VDR: variants seen among roughly 807,000 people sequenced by gnomAD.
VDR encodes the protein vitamin D receptor, also known as vitamin D3 receptor.
VDR carries 19 observed loss-of-function variants against 39.7 expected under a neutral mutation model. That is an observed-to-expected ratio of 0.48 (90% CI 0.33 to 0.70). The LOEUF is 0.70. VDR is among the 30% of genes least tolerant of loss of function. The pLI is 0.02. For synonymous variants in VDR, 242 were observed against 215.8 expected (o/e 1.12, Z -1.07); for missense variants, 442 against 570.5 (o/e 0.77, Z 2.29).
chr12:47,853,746 A>G (rs971678101), intron 7 of VDR, among the ~76,000 whole-genome samples: 3 of 151,678 alleles, frequency 2.0e-5, no homozygotes, highest in African/African-American at 7.3e-5. Flanking sequence ...CAAGAGGGAA[A>G]CTCTGTCTCA....
At chr12:47,888,997 A>G (rs1328366462) in intron 1 of VDR, among the ~76,000 whole-genome samples, 1 of 152,174 alleles carries the variant, frequency 6.6e-6, no homozygotes, top group Non-Finnish European at 1.5e-5. Flanking sequence ...TTGTGTACCC[A>G]TATTGAAATA....
intron 1 of VDR, among the ~76,000 whole-genome samples, chr12:47,895,806 C>G (rs1216207482): frequency 6.6e-6 from 1 of 152,184 alleles, no homozygotes; most frequent in Middle Eastern, 3.2e-3. Context: ...ATGAAAAAGT[C>G]AGATAATCTG....
chr12:47,876,700 A>G (rs1946013214), intron 3 of VDR, among the ~76,000 whole-genome samples: 1 of 152,236 alleles, frequency 6.6e-6, no homozygotes, highest in Non-Finnish European at 1.5e-5. Flanking sequence ...TCATTCTGCC[A>G]TCTTTCACAC....
At chr12:47,848,649 C>A (rs922298729) in intron 7 of VDR, among the ~76,000 whole-genome samples, 1 of 147,518 alleles carries the variant, frequency 6.8e-6, no homozygotes. Context: ...TCACTGCAAC[C>A]TCCACCTCCC....
chr12:47,845,884 G>A (rs1429674873), intron 9 of VDR, among the ~76,000 whole-genome samples: 1 of 152,230 alleles, frequency 6.6e-6, no homozygotes, highest in Non-Finnish European at 1.5e-5. Context: ...CTAACCAGCG[G>A]AAGAGGTCAA....
At chr12:47,889,847 C>A (rs371814292) in intron 1 of VDR, among the ~76,000 whole-genome samples, 1 of 152,160 alleles carries the variant, frequency 6.6e-6, no homozygotes, top group Non-Finnish European at 1.5e-5. Context: ...CTCAAGACAG[C>A]GGGAGAAAGC....
Position 47,855,727 on chromosome 12 carries a change from C to G in VDR, c.658G>C (p.Glu220Gln), listed in dbSNP as rs1289005695. The part of the protein sequence containing the change: ...EDSDDPSVTL[E>Q]LSQLSMLPHL... ...GGCAGCATGGAGAGCTGGGACAGCT[C>G]TAGGGTCACAGAAGGGTCATCTGAA... is the stretch of plus-strand genomic sequence containing the variant. Residue 220 changes from glutamate (E) to glutamine (Q), a missense_variant, in exon 7 of 10, where the codon GAG becomes CAG. By Grantham distance (29) the Glu-to-Gln change is conservative. This residue lies in a region of VDR where 5 missense variants were observed against 27.7 expected (regional missense o/e 0.18). Transcript: ENST00000549336. 1.9e-6 allele frequency: 3 copies of G among 1,614,056 alleles called. No individual in the cohort carries two copies. In the African/African-American group the frequency reaches 4.0e-5, roughly 22 times the overall value.
At chr12:47,863,404 C>T (rs369131226) in intron 4 of VDR, among the ~76,000 whole-genome samples, 5 of 152,326 alleles carry the variant, frequency 3.3e-5, no homozygotes, top group East Asian at 1.9e-4. Flanking sequence ...GTGGCAGTGC[C>T]TTACGAACCA....
chr12:47,879,625 C>T lies in VDR; in HGVS notation c.-2-510G>A, dbSNP rs1350418986. Among the ~76,000 whole-genome samples, 3 of 152,272 alleles carry T rather than the reference C, an allele frequency of 2.0e-5. No individual in the cohort carries two copies. The East Asian group carries it at 5.8e-4, about 29-fold the overall frequency. On this transcript the variant is annotated intron_variant, in intron 2 of 9. Transcript: ENST00000549336. ...GAGAGAAACCCTCAGGTCTCCTCCT[C>T]TTGAGGGTGGGGGGAATTGAGGATT...
At chr12:47,870,558 T>C (rs1328046645) in intron 3 of VDR, among the ~76,000 whole-genome samples, 1 of 152,160 alleles carries the variant, frequency 6.6e-6, no homozygotes, top group African/African-American at 2.4e-5. Context: ...TGACCGATTC[T>C]CATGCCAGAG....
intron 1 of VDR, among the ~76,000 whole-genome samples, chr12:47,892,224 G>A (rs997525641): frequency 4.6e-5 from 7 of 152,322 alleles, no homozygotes; most frequent in Non-Finnish European, 8.8e-5. Context: ...AGGCAGCTCC[G>A]GTCCCATGCA....
chr12:47,857,493 G>C lies in VDR; in HGVS notation c.462+11C>G, dbSNP rs1945514745. The C allele has an allele frequency of 1.9e-6, 3 of 1,614,176 alleles. No homozygotes were observed. The South Asian group carries it at 3.3e-5, about 18-fold the overall frequency. Reference sequence around the variant, plus strand: ...TCTGGACCGGCTCATCCTCCCAGCAGGCAGACATACCCGGAACTGGCAGAA... The same window carrying C: ...TCTGGACCGGCTCATCCTCCCAGCACGCAGACATACCCGGAACTGGCAGAA... On this transcript the variant is annotated intron_variant, in intron 5 of 9. Transcript: ENST00000549336.
rs739837 is a variant in VDR at position 47,844,438 on chromosome 12, G to T, written c.*308C>A. ...CTCAACATCAGTCAGCAGCCACTTA[G>T]GCAGCGGTGGAGGCATCTCTGGGCA... On this transcript the variant is annotated 3_prime_UTR_variant, in exon 10 of 10. Coordinates refer to ENST00000549336, the MANE Select transcript of VDR (RefSeq NM_000376.3). 280,848 of 539,752 alleles carry T rather than the reference G, an allele frequency of 0.52. 74,564 individuals are homozygous for T. The highest frequency in any genetic ancestry group is 0.62 in the Middle Eastern group (1,224 of 1,986). The allele number at this position is 539,752 out of a possible 1,614,324, so 33.4% of individuals were successfully genotyped here.
intron 7 of VDR, among the ~76,000 whole-genome samples, chr12:47,854,206 T>C (rs963170364): frequency 2.6e-5 from 4 of 152,124 alleles, no homozygotes; most frequent in African/African-American, 9.7e-5. Context: ...ACTGTAGCCT[T>C]GACCTCCTGG....
At chr12:47,892,395 C>G (rs575439137) in intron 1 of VDR, among the ~76,000 whole-genome samples, 2 of 152,244 alleles carry the variant, frequency 1.3e-5, no homozygotes, top group Non-Finnish European at 2.9e-5. Flanking sequence ...GTGACATCGG[C>G]TGCTCCTCCA....
chr12:47,903,054 C>T lies in VDR; in HGVS notation c.-84+1901G>A, dbSNP rs114449140. On this transcript the variant is annotated intron_variant, in intron 1 of 9. Transcript: ENST00000549336. ...CTATCAGGGCACCCCAAACAGCACC[C>T]GACCTTCCATAATGTTTATACAAAC... Among the ~76,000 whole-genome samples, 941 of 152,346 alleles carry T rather than the reference C, an allele frequency of 6.2e-3. 11 individuals carry two copies. The highest frequency in any genetic ancestry group is 0.021 in the African/African-American group (875 of 41,570).
chr12:47,871,296 T>C (rs546004665), intron 3 of VDR, among the ~76,000 whole-genome samples: 69 of 96,388 alleles, frequency 7.2e-4, no homozygotes, highest in African/African-American at 2.8e-3. Context: ...CTCTTTCTCT[T>C]TCTTTCTTTC....
At position 47,879,837 on chromosome 12, in the gene VDR, T is replaced by C. The variant is rs1219056206; in HGVS notation, c.-2-722A>G. ...TCTGAGTCATGTGAGTCCTATACAA[T>C]TAATTGTGTTTTCAGAGATGGTTTT... On this transcript the variant is annotated intron_variant, in intron 2 of 9. Transcript: ENST00000549336. 2.0e-5 allele frequency among the ~76,000 whole-genome samples: 3 copies of C among 152,162 alleles called. No homozygotes were observed. The East Asian group carries it at 5.8e-4, about 29-fold the overall frequency.
intron 4 of VDR, among the ~76,000 whole-genome samples, chr12:47,863,162 C>T (rs533122377): frequency 6.6e-6 from 1 of 152,270 alleles, no homozygotes; most frequent in South Asian, 2.1e-4. Flanking sequence ...CTGCTCTTCA[C>T]CATGGATGCA....
Sources: gnomAD v4.1 joint callset for allele counts (sites outside exome capture counted in the v4.1 genomes callset) on GRCh38, gnomAD v4.1.1 for gene constraint, gnomAD v4.1.1 regional missense constraint, MANE v1.5 for transcripts, NCBI Gene and HGNC (gene_info 2026-07-23, HGNC 2026-07-21) for gene names.